Variants in IL31RA observed in about 807,000 individuals in gnomAD.
IL31RA encodes the protein interleukin-31 receptor subunit alpha.
Under a neutral mutation model 83.7 loss-of-function variants are expected in IL31RA, and 66 were observed. The observed-to-expected ratio is 0.79, with a 90% CI of 0.65 to 0.97. IL31RA has a LOEUF of 0.97. Ranked by LOEUF, IL31RA falls within the 50% of genes least tolerant of loss-of-function variation. IL31RA has a pLI of 0.00. For missense variants in IL31RA, 798 were observed against 919.4 expected (o/e 0.87, Z 1.71); for synonymous variants, 325 against 329.0 (o/e 0.99, Z 0.13).
Position 55,899,899 on chromosome 5 carries a change from G to C in IL31RA, c.853-17G>C, listed in dbSNP as rs1239763147. ...TTCTTTGTTATTGGCAATAAATTTT[G>C]TTTTCTTTGGGTTCAGAAGGCAAGA... On this transcript the variant is annotated splice_polypyrimidine_tract_variant and intron_variant, in intron 7 of 14. Coordinates refer to ENST00000652347, the MANE Select transcript of IL31RA (RefSeq NM_139017.7). 9 of 1,597,100 alleles carry C rather than the reference G, an allele frequency of 5.6e-6. No individual in the cohort carries two copies. Among genetic ancestry groups the C allele is most frequent in the Admixed American group, 1.7e-5 (1 of 59,984 alleles).
In IL31RA at chr5:55,916,847, C is replaced by T. The variant is rs140132589; in HGVS notation, c.2022C>T (p.Cys674=). 888 of 1,614,044 alleles carry T rather than the reference C, an allele frequency of 5.5e-4. No homozygotes were observed. Among genetic ancestry groups the T allele is most frequent in the Non-Finnish European group, 7.2e-4 (849 of 1,180,034 alleles). The change falls in exon 15 of 15, where the codon TGC becomes TGT. Residue 674 remains cysteine (C), a synonymous_variant. Transcript: ENST00000652347. ...GGGAAAAGAATGGGTATGTGACCTG[C>T]CCCTTCAGGCCTGATTGTCCCCTGG... ...LGGEKNGYVT[C]PFRPDCPLGK...
chr5:55,898,317 C>G (rs1408261655), intron 7 of IL31RA, among the ~76,000 whole-genome samples: 1 of 140,590 alleles, frequency 7.1e-6, no homozygotes, highest in Non-Finnish European at 1.6e-5. Context: ...TTTCTCCACA[C>G]CACCCCCCCG....
chr5:55,868,240 T>A (rs1306830765), intron 2 of IL31RA, among the ~76,000 whole-genome samples: 1 of 152,128 alleles, frequency 6.6e-6, no homozygotes, highest in African/African-American at 2.4e-5. Flanking sequence ...TAGATGGTAG[T>A]ATCTGGTTTC....
intron 6 of IL31RA, among the ~76,000 whole-genome samples, chr5:55,893,228 T>C (rs1041655794): frequency 7.9e-5 from 12 of 152,270 alleles, no homozygotes; most frequent in African/African-American, 2.9e-4. Context: ...GCTTATGATA[T>C]TGAATACCTG....
intron 4 of IL31RA, among the ~76,000 whole-genome samples, chr5:55,879,524 C>T (rs111382424): frequency 3.6e-4 from 53 of 147,986 alleles, no homozygotes; most frequent in African/African-American, 1.3e-3. Flanking sequence ...CCTCCGCCTC[C>T]CAGGTTCAAG....
chr5:55,922,056 G>GC lies in IL31RA; in HGVS notation c.*4936_*4937insC, dbSNP rs1038898468. 1.6e-4 allele frequency among the ~76,000 whole-genome samples: 8 copies of GC among 50,936 alleles called. 1 individual carries two copies. The highest frequency in any genetic ancestry group is 6.7e-4 in the South Asian group (1 of 1,498). The allele number at this position is 50,936 out of a possible 152,430, so 33.4% of individuals were successfully genotyped here. A position where few individuals can be genotyped will look rare whatever the true frequency, so the allele number is the denominator to read the frequency against. On this transcript the variant is annotated 3_prime_UTR_variant, in exon 15 of 15. Coordinates refer to ENST00000652347, the MANE Select transcript of IL31RA (RefSeq NM_139017.7). The stretch of plus-strand genomic sequence containing the variant: ...TGTCTTGCACTCTTATGTTGTGGCG[G>GC]GGGGGGGGGGCGGTTCCTGAAGAGT...
intron 1 of IL31RA, chr5:55,853,449 T>C: frequency 6.5e-7 from 1 of 1,539,586 alleles, no homozygotes; most frequent in Non-Finnish European, 8.8e-7. Context: ...TTAGTGTGGA[T>C]AAATTAAAGT....
chr5:55,916,995 CAA>C lies in IL31RA; in HGVS notation c.2172_2173del (p.Ser725PhefsTer8), dbSNP rs1298725488. On this transcript the variant is annotated frameshift_variant, in exon 15 of 15. Coordinates refer to ENST00000652347, the MANE Select transcript of IL31RA (RefSeq NM_139017.7). LOFTEE classifies it low-confidence loss of function (END_TRUNC). The stretch of plus-strand genomic sequence containing the variant: ...CAAAGAGCAGCTTCTCTTTTCTGGT[CAA>C]AGTTTAGTACCAGATCATCTGTGTG... ...EAKEQLLFSG[Q>X]SLVPDHLCEE... The C allele has an allele frequency of 6.2e-7, 1 of 1,613,960 alleles. No homozygotes were observed. Among genetic ancestry groups the C allele is most frequent in the Non-Finnish European group, 8.5e-7 (1 of 1,180,014 alleles).
chr5:55,908,415 A>T lies in IL31RA; in HGVS notation c.1501+4A>T. On this transcript the variant is annotated splice_donor_region_variant and intron_variant, in intron 11 of 14. Transcript: ENST00000652347. ...GCTGAAGGTGGAAAAGGATTCTGTA[A>T]GCACGCCCATAGCGAAGTGGAAAAA... 1 of 1,614,218 alleles carries T rather than the reference A, an allele frequency of 6.2e-7. No homozygotes were observed. Among genetic ancestry groups the T allele is most frequent in the East Asian group, 2.2e-5 (1 of 44,882 alleles).
chr5:55,858,211 T>G (rs562984052), intron 1 of IL31RA, among the ~76,000 whole-genome samples: 12 of 152,338 alleles, frequency 7.9e-5, no homozygotes, highest in African/African-American at 2.9e-4. Flanking sequence ...TTAGCATCTA[T>G]TATTATTCAT....
chr5:55,864,350 C>G (rs1364124561), intron 2 of IL31RA, among the ~76,000 whole-genome samples: 4 of 91,010 alleles, frequency 4.4e-5, no homozygotes, highest in Non-Finnish European at 1.0e-4. Flanking sequence ...TACACACACA[C>G]ACACACCACA....
chr5:55,912,613 A>G lies in IL31RA; in HGVS notation c.1643-864A>G, dbSNP rs151049496. 2.9e-3 allele frequency among the ~76,000 whole-genome samples: 445 copies of G among 152,286 alleles called. 3 individuals are homozygous for G. Among genetic ancestry groups the G allele is most frequent in the African/African-American group, 0.01 (429 of 41,566 alleles). ...GGAGTTCAAGACCAGCCTGGCCAACATGGTGAAACCCAGTCTCTGCCTAAA... is the reference window on the plus strand; with the variant it reads ...GGAGTTCAAGACCAGCCTGGCCAACGTGGTGAAACCCAGTCTCTGCCTAAA... On this transcript the variant is annotated intron_variant, in intron 12 of 14. Transcript: ENST00000652347.
chr5:55,885,563 C>T (rs996378803), intron 5 of IL31RA, among the ~76,000 whole-genome samples: 3 of 152,170 alleles, frequency 2.0e-5, no homozygotes, highest in East Asian at 1.9e-4. Context: ...AGTGCACAGG[C>T]GGGTCCCCAG....
chr5:55,901,456 C>T (rs965003201), intron 8 of IL31RA, among the ~76,000 whole-genome samples: 13 of 152,146 alleles, frequency 8.5e-5, no homozygotes, highest in African/African-American at 3.1e-4. Flanking sequence ...AGTTACCTAA[C>T]TTCTCTGAAG....
chr5:55,883,268 C>T (rs1030270539), intron 5 of IL31RA, 73 bp downstream of exon 5: 27 of 1,266,174 alleles, frequency 2.1e-5, no homozygotes, highest in Admixed American at 5.1e-5. Context: ...CTATTGTTGA[C>T]CTGGAATCAT....
chr5:55,901,195 AG>A (rs1036995042), intron 8 of IL31RA, among the ~76,000 whole-genome samples: 1 of 152,218 alleles, frequency 6.6e-6, no homozygotes, highest in African/African-American at 2.4e-5. Flanking sequence ...TACTCCCTGT[AG>A]TCCTCATTTC....
At position 55,869,427 on chromosome 5, in the gene IL31RA, A is replaced by G. The variant is rs114661944; in HGVS notation, c.272+519A>G. Among the ~76,000 whole-genome samples the G allele has an allele frequency of 9.6e-3, 1,464 of 152,254 alleles. 30 individuals are homozygous for G. Among genetic ancestry groups the G allele is most frequent in the African/African-American group, 0.034 (1,400 of 41,532 alleles). On this transcript the variant is annotated intron_variant, in intron 3 of 14. Transcript: ENST00000652347. ...AATGAAAATTTTATAATTTTTAATTATTATTCTAGCCAAAAGCTAGATGTT... is the reference window on the plus strand; with the variant it reads ...AATGAAAATTTTATAATTTTTAATTGTTATTCTAGCCAAAAGCTAGATGTT...
At chr5:55,853,280 T>G in intron 1 of IL31RA, 1 of 1,185,532 alleles carries the variant, frequency 8.4e-7, no homozygotes, top group Non-Finnish European at 1.0e-6. Context: ...GATCCTTTTT[T>G]TTTGTAGAGT....
rs929628401 is a variant in IL31RA, at chr5:55,903,186, C to G, written c.1070-2920C>G. On this transcript the variant is annotated intron_variant, in intron 8 of 14. Coordinates refer to ENST00000652347, the MANE Select transcript of IL31RA (RefSeq NM_139017.7). This position sits in a 1 kb window ranked among gnomAD's most constrained non-coding sequence, Gnocchi z 4.7. ...GGTGGCGTGGTCCCAGGCAGGGCAT[C>G]GGAAAGCCCGGCCACTGTGTCATAA... Among the ~76,000 whole-genome samples the G allele has an allele frequency of 1.3e-5, 2 of 152,080 alleles. No individual in the cohort carries two copies. The highest frequency in any genetic ancestry group is 2.9e-5 in the Non-Finnish European group (2 of 68,012).
Sources: gnomAD v4.1 joint callset for allele counts (sites outside exome capture counted in the v4.1 genomes callset) on GRCh38, gnomAD v4.1.1 for gene constraint, Gnocchi (gnomAD v3.1) non-coding constraint, MANE v1.5 for transcripts, NCBI Gene and HGNC (gene_info 2026-07-23, HGNC 2026-07-21) for gene names.